Variants in FLT1 observed in about 807,000 individuals in gnomAD.
FLT1 encodes fms related receptor tyrosine kinase 1.
A neutral mutation model predicts 156.3 loss-of-function variants in FLT1; 49 were observed. The observed-to-expected ratio is 0.31, with a 90% CI of 0.25 to 0.40. FLT1 has a LOEUF of 0.40. FLT1 is among the 10% of genes least tolerant of loss of function. The pLI is 1.00. For missense variants in FLT1, 1,322 were observed against 1,637.2 expected (o/e 0.81, Z 3.32); for synonymous variants, 594 against 583.8 (o/e 1.02, Z -0.25).
chr13:28,352,313 G>A (rs957369432), intron 15 of FLT1, among the ~76,000 whole-genome samples: 7 of 152,112 alleles, frequency 4.6e-5, no homozygotes, highest in African/African-American at 1.2e-4. Flanking sequence ...GTAGGATTAC[G>A]GATGTTATGT....
intron 3 of FLT1, among the ~76,000 whole-genome samples, chr13:28,448,540 TA>T (rs1219658383): frequency 6.6e-6 from 1 of 152,176 alleles, no homozygotes; most frequent in Non-Finnish European, 1.5e-5. Flanking sequence ...TCTATTTATA[TA>T]AAATATCCAT....
chr13:28,323,438 G>A (rs1323307499), intron 20 of FLT1, among the ~76,000 whole-genome samples: 1 of 152,062 alleles, frequency 6.6e-6, no homozygotes, highest in Non-Finnish European at 1.5e-5. Flanking sequence ...AATCACGTGA[G>A]GTCGGGAGTT....
At chr13:28,414,225 G>T (rs1876510239) in intron 10 of FLT1, among the ~76,000 whole-genome samples, 1 of 152,146 alleles carries the variant, frequency 6.6e-6, no homozygotes, top group Non-Finnish European at 1.5e-5. Context: ...CCTTAATTTT[G>T]CAAATGTTTG....
At chr13:28,397,751 T>C (rs962002199) in intron 11 of FLT1, among the ~76,000 whole-genome samples, 65 of 52,288 alleles carry the variant, frequency 1.2e-3, no homozygotes, top group Non-Finnish European at 8.1e-4. Context: ...AAGGAGACCG[T>C]GTGTGTGTGT....
chr13:28,411,054 C>G (rs988993903), intron 10 of FLT1, among the ~76,000 whole-genome samples: 2 of 151,882 alleles, frequency 1.3e-5, no homozygotes, highest in Non-Finnish European at 2.9e-5. Flanking sequence ...AAGTCAGACA[C>G]CAGGAAAATT....
In FLT1 at chr13:28,322,833, G is replaced by T. The variant is rs762140333; in HGVS notation, c.2910C>A (p.Gly970=). The T allele has an allele frequency of 7.4e-6, 12 of 1,614,012 alleles. No individual in the cohort carries two copies. Among genetic ancestry groups the T allele is most frequent in the South Asian group, 1.1e-5 (1 of 91,080 alleles). Residue 970 remains glycine, a synonymous_variant, in exon 21 of 30, where the codon GGC becomes GGA. Transcript: ENST00000282397. This position sits in a 1 kb window ranked among gnomAD's most constrained non-coding sequence, Gnocchi z 4.3. ...VTSSESFASS[G]FQEDKSLSDV... ...CACTCAGACTTTTATCTTCCTGAAA[G>T]CCGGAGCTCGCAAAGCTTTCGCTGC...
intron 20 of FLT1, 95 bp downstream of exon 20, chr13:28,327,367 A>T: frequency 1.3e-6 from 1 of 796,434 alleles, no homozygotes; most frequent in Non-Finnish European, 2.2e-6. Flanking sequence ...TTAATCATTA[A>T]CAACACAATA....
chr13:28,327,142 G>A (rs1005578371), intron 20 of FLT1, among the ~76,000 whole-genome samples: 2 of 152,170 alleles, frequency 1.3e-5, no homozygotes, highest in African/African-American at 4.8e-5. Context: ...ATGTATGTTT[G>A]CGTGTATGTA....
intron 8 of FLT1, 36 bp downstream of exon 8, chr13:28,430,014 T>C: frequency 7.5e-7 from 1 of 1,326,658 alleles, no homozygotes; most frequent in Non-Finnish European, 1.1e-6. Context: ...TTACAAAGTA[T>C]GTCTTAAACT....
intron 18 of FLT1, among the ~76,000 whole-genome samples, chr13:28,333,215 G>T (rs1871994659): frequency 6.6e-6 from 1 of 152,192 alleles, no homozygotes; most frequent in South Asian, 2.1e-4. Flanking sequence ...CTCACAGCTT[G>T]CTGGGCTTCA....
At position 28,494,792 on chromosome 13, in the gene FLT1, G is replaced by C. The variant is rs2137683992; in HGVS notation, c.52C>G (p.Leu18Val). 1.9e-6 allele frequency: 3 copies of C among 1,573,756 alleles called. No homozygotes were observed. Among genetic ancestry groups the C allele is most frequent in the Middle Eastern group, 3.3e-4 (2 of 5,992 alleles). Residue 18 changes from leucine to valine, a missense_variant, in exon 1 of 30, where the codon CTG becomes GTG. This residue lies in a region of FLT1 where 991 missense variants were observed against 1,254.8 expected (regional missense o/e 0.79). Transcript: ENST00000282397. ...AGCCGCGCCTCACCTGTGAGAAGCA[G>C]ACAGCTGAGCAGCGCGCACAGCAGG... ...GVLLCALLSC[L>V]LLTGSSSGSK... is the part of the protein sequence containing the mutation.
At chr13:28,438,996 G>A (rs1285108020) in intron 3 of FLT1, among the ~76,000 whole-genome samples, 3 of 152,144 alleles carry the variant, frequency 2.0e-5, no homozygotes, top group East Asian at 3.8e-4. Context: ...TTTAGTATGC[G>A]CTACTTACCT....
intron 14 of FLT1, among the ~76,000 whole-genome samples, chr13:28,370,509 T>C (rs546695935): frequency 5.3e-5 from 8 of 152,328 alleles, no homozygotes; most frequent in Admixed American, 1.3e-4. Flanking sequence ...CTAAAAGCCT[T>C]GAAGAGGCTA....
At position 28,384,955 on chromosome 13, in the gene FLT1, A is replaced by G; in HGVS notation, c.2046T>C (p.Cys682=). 1 of 1,614,060 alleles carries G rather than the reference A, an allele frequency of 6.2e-7. No homozygotes were observed. Among genetic ancestry groups the G allele is most frequent in the African/African-American group, 1.3e-5 (1 of 75,066 alleles). Residue 682 remains cysteine, a synonymous_variant, in exon 14 of 30, where the codon TGT becomes TGC. Coordinates refer to ENST00000282397, the MANE Select transcript of FLT1 (RefSeq NM_002019.4). The stretch of plus-strand genomic sequence containing the variant: ...GAGGCTCGGGGACACCATTAGCATG[A>G]CAGTCTAAAGTGGTGGAACTGCTGA... ...VAISSSTTLD[C]HANGVPEPQI... is the part of the protein sequence containing the mutation.
In FLT1 at chr13:28,380,315, A is replaced by C. The variant is rs1189935711; in HGVS notation, c.2116+4570T>G. ...GTCATAAAAGAGTTGGCAGTTTTGA[A>C]GATACTCATATATACAAACATAAGG... On this transcript the variant is annotated intron_variant, in intron 14 of 29. Transcript: ENST00000282397. Among the ~76,000 whole-genome samples the C allele has an allele frequency of 5.3e-5, 8 of 152,348 alleles. No individual in the cohort carries two copies. In the East Asian group the frequency reaches 1.5e-3, roughly 29 times the overall value.
At chr13:28,402,269 A>G (rs1875490924) in intron 11 of FLT1, among the ~76,000 whole-genome samples, 2 of 152,216 alleles carry the variant, frequency 1.3e-5, no homozygotes, top group Non-Finnish European at 2.9e-5. Context: ...TAAAGGGATC[A>G]CCGCAGTCTA....
rs1213757596 is a variant in FLT1 at position 28,433,909 on chromosome 13, T to C, written c.723A>G (p.Lys241=). ...DVQISTPRPV[K]LLRGHTLVLN... Reference sequence around the variant, plus strand: ...GGACAAGAGTATGGCCTCTAAGTAATTTGACTGGGCGTGGTGTGCTTATTT... The same window carrying C: ...GGACAAGAGTATGGCCTCTAAGTAACTTGACTGGGCGTGGTGTGCTTATTT... Residue 241 remains lysine (K), a synonymous_variant, in exon 6 of 30, where the codon AAA becomes AAG. Coordinates refer to ENST00000282397, the MANE Select transcript of FLT1 (RefSeq NM_002019.4). 3 of 1,614,100 alleles carry C rather than the reference T, an allele frequency of 1.9e-6. No homozygotes were observed. Among genetic ancestry groups the C allele is most frequent in the Non-Finnish European group, 2.5e-6 (3 of 1,179,966 alleles).
intron 3 of FLT1, among the ~76,000 whole-genome samples, chr13:28,465,641 G>A (rs1879807484): frequency 6.6e-6 from 1 of 152,098 alleles, no homozygotes; most frequent in Non-Finnish European, 1.5e-5. Context: ...TCAGGAGTTC[G>A]AGACCAGCCT....
chr13:28,419,355 T>G (rs189478869), intron 10 of FLT1, among the ~76,000 whole-genome samples: 133 of 152,360 alleles, frequency 8.7e-4, no homozygotes, highest in Non-Finnish European at 1.3e-3. Context: ...AAGTGCATGT[T>G]TTATAAGTGA....
Sources: allele counts gnomAD v4.1 joint callset (sites outside exome capture counted in the v4.1 genomes callset), GRCh38; gene constraint gnomAD v4.1.1; regional missense constraint gnomAD v4.1.1; non-coding constraint Gnocchi (gnomAD v3.1); transcripts MANE v1.5; gene names NCBI Gene and HGNC (gene_info 2026-07-23, HGNC 2026-07-21).